The following SORT1 variants were observed in gnomAD, a reference collection of about 807,000 sequenced individuals.
The protein encoded by SORT1 is sortilin 1, also known as sortilin.
SORT1 carries 39 observed loss-of-function variants against 101.7 expected under a neutral mutation model. That is an observed-to-expected ratio of 0.38 (90% CI 0.30 to 0.50). The LOEUF (loss-of-function observed/expected upper bound fraction) is 0.50, where lower values mean the gene tolerates loss of function less well. Among genes scored for constraint, SORT1 ranks in the 20% least tolerant of loss-of-function variants. SORT1 has a pLI of 0.90. For synonymous variants in SORT1, 396 were observed against 393.7 expected (o/e 1.01, Z -0.07); for missense variants, 878 against 1,040.4 (o/e 0.84, Z 2.15).
intron 1 of SORT1, among the ~76,000 whole-genome samples, chr1:109,382,603 T>G (rs185046171): frequency 8.7e-4 from 133 of 152,320 alleles, no homozygotes; most frequent in Middle Eastern, 3.4e-3. Context: ...AACTTCCTTT[T>G]CAGAGTCACA....
At chr1:109,314,892 C>T (rs1033337814) in intron 17 of SORT1, 114 bp from the exon 18 acceptor site, 16 of 594,272 alleles carry the variant, frequency 2.7e-5, no homozygotes, top group Middle Eastern at 3.0e-4. Flanking sequence ...AGTCCTGATG[C>T]GCTTAATGAT....
At chr1:109,374,073 A>C (rs1454169917) in intron 1 of SORT1, among the ~76,000 whole-genome samples, 1 of 152,158 alleles carries the variant, frequency 6.6e-6, no homozygotes, top group Non-Finnish European at 1.5e-5. Flanking sequence ...TGAGCAACAG[A>C]GCAAGACCCT....
chr1:109,357,112 A>G (rs945292544), intron 3 of SORT1, among the ~76,000 whole-genome samples: 3 of 152,244 alleles, frequency 2.0e-5, no homozygotes, highest in Non-Finnish European at 4.4e-5. Context: ...ATATACAGAT[A>G]CTTAGTACTG....
rs72647813 is a variant in SORT1 at position 109,310,416 on chromosome 1, G to C, written c.*3627C>G. 6.4e-6 allele frequency: 1 copy of C among 155,564 alleles called. No individual in the cohort carries two copies. Among genetic ancestry groups the C allele is most frequent in the Non-Finnish European group, 1.5e-5 (1 of 68,044 alleles). 9.6% of individuals were successfully genotyped at this position (155,564 alleles called of 1,614,324 possible). A position where few individuals can be genotyped will look rare whatever the true frequency, so the allele number is the denominator to read the frequency against. The stretch of plus-strand genomic sequence containing the variant: ...GGTGCTCCTAGAGCTACCTGAGCTG[G>C]ACAAACCCATGGCAGACAGAACAGA... On this transcript the variant is annotated 3_prime_UTR_variant, in exon 20 of 20. Coordinates refer to ENST00000256637, the MANE Select transcript of SORT1 (RefSeq NM_002959.7).
rs1428399266 is a variant in SORT1, at chr1:109,397,745, A to G, written c.148T>C (p.Trp50Arg). Residue 50 changes from tryptophan (W) to arginine (R), a missense_variant, in exon 1 of 20, where the codon TGG (tryptophan) becomes CGG (arginine). Transcript: ENST00000256637. ...PPPPAAPLPR[W>R]SGPIGVSWGL... ...CAGCTCACCCCGATGGGGCCAGACC[A>G]GCGCGGCAGCGGCGCAGCGGGCGGC... The G allele has an allele frequency of 5.0e-6, 6 of 1,194,664 alleles. No homozygotes were observed. Among genetic ancestry groups the G allele is most frequent in the Non-Finnish European group, 6.2e-6 (6 of 964,472 alleles). The allele number at this position is 1,194,664 out of a possible 1,614,324, so 74.0% of individuals were successfully genotyped here. A position where few individuals can be genotyped will look rare whatever the true frequency, so the allele number is the denominator to read the frequency against.
Position 109,330,768 on chromosome 1 carries a change from T to A in SORT1, c.1372-3167A>T, listed in dbSNP as rs372547758. 1.4e-4 allele frequency among the ~76,000 whole-genome samples: 21 copies of A among 151,512 alleles called. No individual in the cohort carries two copies. In the South Asian group the frequency reaches 4.2e-3, roughly 30 times the overall value. ...GAAAAGACTCAAGTAAAATCAGAAA[T>A]GTAAGAGGAGACATTATAACTTATA... On this transcript the variant is annotated intron_variant, in intron 11 of 19. Transcript: ENST00000256637.
chr1:109,354,339 G>A, intron 5 of SORT1, 28 bp downstream of exon 5: 1 of 1,590,936 alleles, frequency 6.3e-7, no homozygotes, highest in Non-Finnish European at 8.6e-7. Flanking sequence ...AATGCAAAAG[G>A]CAAACCATGT....
intron 3 of SORT1, among the ~76,000 whole-genome samples, chr1:109,362,875 T>C (rs1316661570): frequency 6.6e-6 from 1 of 152,056 alleles, no homozygotes; most frequent in African/African-American, 2.4e-5. Context: ...TATGCAGTCA[T>C]TGTTAACAAT....
intron 5 of SORT1, among the ~76,000 whole-genome samples, chr1:109,351,827 G>C (rs547074403): frequency 4.3e-4 from 65 of 152,312 alleles, no homozygotes; most frequent in Non-Finnish European, 6.9e-4. Flanking sequence ...AGGAAAAGCA[G>C]GGAATGACTG....
intron 1 of SORT1, among the ~76,000 whole-genome samples, chr1:109,378,129 C>G (rs374556026): frequency 6.6e-6 from 1 of 151,970 alleles, no homozygotes; most frequent in African/African-American, 2.4e-5. Context: ...TCTAGCTACT[C>G]AGGAAGCTGA....
intron 18 of SORT1, 74 bp downstream of exon 18, chr1:109,314,598 A>G (rs970686665): frequency 1.7e-6 from 2 of 1,184,780 alleles, no homozygotes; most frequent in African/African-American, 3.0e-5. Context: ...TGCCAAGAGT[A>G]GACTCAGCCA....
At chr1:109,325,804 G>A (rs973927246) in intron 13 of SORT1, among the ~76,000 whole-genome samples, 8 of 151,642 alleles carry the variant, frequency 5.3e-5, no homozygotes, top group South Asian at 2.1e-4. Context: ...ACAAAACCCC[G>A]TCTCTACCAA....
intron 1 of SORT1, among the ~76,000 whole-genome samples, chr1:109,371,750 CAA>C (rs1651494956): frequency 6.6e-6 from 1 of 152,140 alleles, no homozygotes; most frequent in Non-Finnish European, 1.5e-5. Flanking sequence ...ACTCATCATC[CAA>C]AGAGTTCCTT....
intron 1 of SORT1, among the ~76,000 whole-genome samples, chr1:109,394,781 A>G (rs1297080375): frequency 6.6e-6 from 1 of 152,206 alleles, no homozygotes; most frequent in Non-Finnish European, 1.5e-5. Flanking sequence ...GCTTGAAATG[A>G]AACAGGACCA....
At chr1:109,383,828 A>C (rs534162334) in intron 1 of SORT1, among the ~76,000 whole-genome samples, 118 of 152,310 alleles carry the variant, frequency 7.7e-4, no homozygotes, top group African/African-American at 2.6e-3. Flanking sequence ...ATTAACTACA[A>C]AATAATGTAC....
At chr1:109,343,502 T>G (rs936125292) in intron 8 of SORT1, among the ~76,000 whole-genome samples, 2 of 152,178 alleles carry the variant, frequency 1.3e-5, no homozygotes, top group Non-Finnish European at 2.9e-5. Flanking sequence ...TCCTCCCACC[T>G]CTTTGCTACC....
chr1:109,352,333 C>T (rs1275050819), intron 5 of SORT1, among the ~76,000 whole-genome samples: 1 of 151,964 alleles, frequency 6.6e-6, no homozygotes, highest in African/African-American at 2.4e-5. Flanking sequence ...GAGGAGTAGG[C>T]ATTTAAGGGT....
chr1:109,313,205 G>GT lies in SORT1; in HGVS notation c.*837dup, dbSNP rs1415571652. On this transcript the variant is annotated 3_prime_UTR_variant, in exon 20 of 20. Coordinates refer to ENST00000256637, the MANE Select transcript of SORT1 (RefSeq NM_002959.7). ...AGCTAAGTTTGTACCCTGTCCTTGC[G>GT]TAAGTCTACTGGCACACACACAAAG... The GT allele has an allele frequency of 2.6e-5, 4 of 152,558 alleles. No individual in the cohort carries two copies. Among genetic ancestry groups the GT allele is most frequent in the Non-Finnish European group, 2.9e-5 (2 of 68,054 alleles). 9.5% of individuals were successfully genotyped at this position (152,558 alleles called of 1,614,324 possible).
intron 7 of SORT1, among the ~76,000 whole-genome samples, chr1:109,346,682 T>A (rs1040742027): frequency 6.7e-6 from 1 of 149,736 alleles, no homozygotes; most frequent in Non-Finnish European, 1.5e-5. Flanking sequence ...GAGGCGGAGC[T>A]TGCAGTGAGC....
Sources: allele counts gnomAD v4.1 joint callset (sites outside exome capture counted in the v4.1 genomes callset), GRCh38; gene constraint gnomAD v4.1.1; transcripts MANE v1.5; gene names NCBI Gene and HGNC (gene_info 2026-07-23, HGNC 2026-07-21).